SMIM13: variants seen among roughly 807,000 people sequenced by gnomAD.
SMIM13 encodes UPF0766 protein C6orf228.
Under a neutral mutation model 5.9 loss-of-function variants are expected in SMIM13, and 3 were observed. The observed-to-expected ratio is 0.51, with a 90% CI of 0.23 to 1.31. The LOEUF is 1.31. Ranked by LOEUF, SMIM13 falls within the 40% of genes most tolerant of loss-of-function variation. The probability of loss-of-function intolerance (pLI) is 0.18; values close to 1 mark genes in which losing one functional copy is unlikely to be tolerated. For missense variants in SMIM13, 85 were observed against 109.9 expected, an observed-to-expected ratio of 0.77 and a Z score of 1.01; for synonymous variants, 55 against 46.0, an observed-to-expected ratio of 1.19 and a Z score of -0.79.
chr6:11,101,032 CTTTTTTTT>C (rs200622017), intron 1 of SMIM13, among the ~76,000 whole-genome samples: 1 of 127,504 alleles, frequency 7.8e-6, no homozygotes, highest in Non-Finnish European at 1.7e-5. Context: ...TCTCCATTTT[CTTTTTTTT>C]TTTTTTTTCT....
intron 1 of SMIM13, among the ~76,000 whole-genome samples, chr6:11,134,180 G>A (rs1758488211): frequency 6.6e-6 from 1 of 152,094 alleles, no homozygotes; most frequent in Non-Finnish European, 1.5e-5. Flanking sequence ...GACTCAGCCC[G>A]AATTCTAAAT....
At chr6:11,130,253 T>TAAAAAAAAAAAAAAA (rs35012412) in intron 1 of SMIM13, among the ~76,000 whole-genome samples, 1 of 140,098 alleles carries the variant, frequency 7.1e-6, no homozygotes, top group Non-Finnish European at 1.6e-5. Flanking sequence ...GTAGTCATTG[T>TAAAAAAAAAAAAAAA]AAAAAAAAAA....
At chr6:11,100,612 C>G (rs1198887398) in intron 1 of SMIM13, among the ~76,000 whole-genome samples, 1 of 152,108 alleles carries the variant, frequency 6.6e-6, no homozygotes, top group Non-Finnish European at 1.5e-5. Context: ...TGTTGGAGCA[C>G]ATTTTCTAGT....
intron 1 of SMIM13, among the ~76,000 whole-genome samples, chr6:11,113,862 C>G (rs552637140): frequency 1.3e-4 from 20 of 151,688 alleles, no homozygotes; most frequent in African/African-American, 4.8e-4. Flanking sequence ...CAGGCATGAG[C>G]CACCGCACCC....
intron 1 of SMIM13, among the ~76,000 whole-genome samples, chr6:11,133,269 T>C (rs1329057192): frequency 1.3e-5 from 2 of 152,328 alleles, no homozygotes; most frequent in African/African-American, 4.8e-5. Flanking sequence ...AAAATATTTG[T>C]GATTTGGTTC....
At chr6:11,100,745 T>C (rs9468416) in intron 1 of SMIM13, among the ~76,000 whole-genome samples, 32,846 of 152,124 alleles carry the variant, frequency 0.22, 3,891 homozygotes, top group African/African-American at 0.31. Context: ...TTTGGGGTTA[T>C]AGATTTTCAC....
chr6:11,107,904 A>G (rs1467663318), intron 1 of SMIM13, among the ~76,000 whole-genome samples: 1 of 152,186 alleles, frequency 6.6e-6, no homozygotes, highest in Non-Finnish European at 1.5e-5. Context: ...AGCTAGAAGG[A>G]TTCTTGGGCT....
intron 1 of SMIM13, among the ~76,000 whole-genome samples, chr6:11,116,135 A>G (rs1758237001): frequency 6.8e-6 from 1 of 146,004 alleles, no homozygotes; most frequent in South Asian, 2.2e-4. Context: ...CTCGTGCCTC[A>G]GCCTCCCAAG....
chr6:11,115,687 CTTT>C, intron 1 of SMIM13, among the ~76,000 whole-genome samples: 1 of 140,278 alleles, frequency 7.1e-6, no homozygotes. Flanking sequence ...TTTTTCTTTT[CTTT>C]TTTTTTTTTT....
intron 1 of SMIM13, among the ~76,000 whole-genome samples, chr6:11,111,976 C>T (rs552402997): frequency 3.7e-4 from 56 of 152,258 alleles, no homozygotes; most frequent in African/African-American, 1.3e-3. Context: ...CTTCTTAGTG[C>T]GCATGCTTGA....
In SMIM13 at chr6:11,138,670, T is replaced by G. The variant is rs1309048606; in HGVS notation, c.*4068T>G. The G allele has an allele frequency of 6.6e-6, 1 of 152,202 alleles. No homozygotes were observed. The highest frequency in any genetic ancestry group is 2.1e-4 in the South Asian group (1 of 4,834). 9.4% of individuals were successfully genotyped at this position (152,202 alleles called of 1,614,324 possible). On this transcript the variant is annotated 3_prime_UTR_variant, in exon 2 of 2. Transcript: ENST00000416247. ...AAACTGGTCAGTACTATGAAGCTTC[T>G]GTGGTTTGTATGATGTTTTAACTTT...
chr6:11,109,822 CAGAG>C (rs1483634962), intron 1 of SMIM13, among the ~76,000 whole-genome samples: 3 of 152,058 alleles, frequency 2.0e-5, no homozygotes, highest in African/African-American at 7.2e-5. Context: ...TCCTGTGGTA[CAGAG>C]ACTTGATTAC....
At chr6:11,132,368 A>T (rs531136255) in intron 1 of SMIM13, among the ~76,000 whole-genome samples, 2 of 152,188 alleles carry the variant, frequency 1.3e-5, no homozygotes, top group South Asian at 4.1e-4. Context: ...GTGTTTAAAC[A>T]CAGAGTTACC....
chr6:11,125,489 G>T (rs914420933), intron 1 of SMIM13, among the ~76,000 whole-genome samples: 1 of 152,050 alleles, frequency 6.6e-6, no homozygotes, highest in African/African-American at 2.4e-5. Context: ...TCAGCTACTC[G>T]GGAGTCTGAG....
intron 1 of SMIM13, among the ~76,000 whole-genome samples, chr6:11,134,070 A>G (rs1359519323): frequency 6.6e-6 from 1 of 152,052 alleles, no homozygotes; most frequent in Non-Finnish European, 1.5e-5. Flanking sequence ...GGCAAAGTGA[A>G]TTCTTTCTTT....
chr6:11,107,911 G>A (rs773450111), intron 1 of SMIM13, among the ~76,000 whole-genome samples: 1 of 152,168 alleles, frequency 6.6e-6, no homozygotes, highest in Non-Finnish European at 1.5e-5. Context: ...AGGATTCTTG[G>A]GCTGAATTAC....
intron 1 of SMIM13, among the ~76,000 whole-genome samples, chr6:11,115,632 G>GT: frequency 6.6e-6 from 1 of 151,634 alleles, no homozygotes; most frequent in South Asian, 2.1e-4. Flanking sequence ...CCTAATAAAG[G>GT]GATTAACTAT....
intron 1 of SMIM13, among the ~76,000 whole-genome samples, chr6:11,121,251 T>C (rs1023353078): frequency 2.0e-5 from 3 of 152,320 alleles, no homozygotes; most frequent in African/African-American, 7.2e-5. Context: ...TCTTTCACTC[T>C]CTACTGTTTC....
At chr6:11,116,507 AT>A (rs1241367219) in intron 1 of SMIM13, among the ~76,000 whole-genome samples, 1 of 152,236 alleles carries the variant, frequency 6.6e-6, no homozygotes, top group East Asian at 1.9e-4. Flanking sequence ...TTTTGGAAAG[AT>A]TTTCAACTAC....
Sources: gnomAD v4.1 joint callset for allele counts (sites outside exome capture counted in the v4.1 genomes callset) on GRCh38, gnomAD v4.1.1 for gene constraint, MANE v1.5 for transcripts, NCBI Gene and HGNC (gene_info 2026-07-23, HGNC 2026-07-21) for gene names.